Variants in FIGN observed in about 807,000 individuals in gnomAD.
FIGN encodes the protein fidgetin, microtubule severing factor.
Under a neutral mutation model 51.3 loss-of-function variants are expected in FIGN, and 11 were observed. That is an observed-to-expected ratio of 0.21 (90% CI 0.13 to 0.35). The LOEUF (loss-of-function observed/expected upper bound fraction) is 0.35. FIGN is among the 10% of genes least tolerant of loss of function. FIGN has a pLI of 1.00. For missense variants in FIGN, 857 were observed against 943.6 expected (o/e 0.91, Z 1.20); for synonymous variants, 407 against 363.2 (o/e 1.12, Z -1.37).
At chr2:163,663,236 GTT>G (rs761711729) in intron 2 of FIGN, among the ~76,000 whole-genome samples, 56 of 145,028 alleles carry the variant, frequency 3.9e-4, no homozygotes, top group Non-Finnish European at 6.9e-4. Flanking sequence ...AATAATGTTG[GTT>G]TTTTTTTTTT....
At chr2:163,622,367 A>T (rs2105306169) in intron 2 of FIGN, among the ~76,000 whole-genome samples, 1 of 152,030 alleles carries the variant, frequency 6.6e-6, no homozygotes, top group South Asian at 2.1e-4. Flanking sequence ...TGCTCCCAAT[A>T]TTGTTTTTGG....
intron 2 of FIGN, among the ~76,000 whole-genome samples, chr2:163,675,305 ATG>A (rs1048171511): frequency 1.3e-5 from 2 of 152,240 alleles, no homozygotes; most frequent in African/African-American, 4.8e-5. Flanking sequence ...CACACAGATC[ATG>A]TCTGTAACAA....
At chr2:163,686,031 C>T (rs1052561066) in intron 2 of FIGN, among the ~76,000 whole-genome samples, 8 of 152,320 alleles carry the variant, frequency 5.3e-5, no homozygotes, top group Middle Eastern at 3.4e-3. Flanking sequence ...TCGTCAATTT[C>T]GCAGTAAGCC....
chr2:163,666,345 G>C (rs777593921), intron 2 of FIGN, among the ~76,000 whole-genome samples: 21 of 152,226 alleles, frequency 1.4e-4, no homozygotes, highest in Admixed American at 9.8e-4. Flanking sequence ...ATTATACATT[G>C]ACAGGGCAAA....
Position 163,693,267 on chromosome 2 carries a change from G to T in FIGN, c.25+41636C>A, listed in dbSNP as rs969655468. On this transcript the variant is annotated intron_variant, in intron 2 of 2. Coordinates refer to ENST00000333129, the MANE Select transcript of FIGN (RefSeq NM_018086.4). ...ACCTGTGGTGTGTGTGTGTATCTGT[G>T]TGTGTGTATTCAGTGGAGTAAGGGA... Among the ~76,000 whole-genome samples the T allele has an allele frequency of 1.2e-4, 18 of 152,268 alleles. 1 individual carries two copies. Among genetic ancestry groups the T allele is most frequent in the Admixed American group, 7.2e-4 (11 of 15,290 alleles).
chr2:163,611,910 A>C, intron 2 of FIGN, 104 bp from the exon 3 acceptor site: 1 of 686,860 alleles, frequency 1.5e-6, no homozygotes, highest in East Asian at 3.0e-5. Flanking sequence ...TCCATTAATG[A>C]TATGCATACT....
At chr2:163,699,010 T>A (rs1684366820) in intron 2 of FIGN, among the ~76,000 whole-genome samples, 1 of 152,142 alleles carries the variant, frequency 6.6e-6, no homozygotes, top group Non-Finnish European at 1.5e-5. Flanking sequence ...AGAGTTTCAC[T>A]GGCACCCTGG....
intron 2 of FIGN, among the ~76,000 whole-genome samples, chr2:163,723,014 G>A (rs1684783121): frequency 1.3e-5 from 2 of 151,700 alleles, no homozygotes; most frequent in South Asian, 4.2e-4. Context: ...GTGAAACCCT[G>A]TCTCTCCTAA....
At chr2:163,648,975 A>G (rs2105320534) in intron 2 of FIGN, among the ~76,000 whole-genome samples, 1 of 152,258 alleles carries the variant, frequency 6.6e-6, no homozygotes, top group South Asian at 2.1e-4. Flanking sequence ...TAATTTTTTA[A>G]AACAAATCCT....
chr2:163,622,686 A>T (rs1558999361), intron 2 of FIGN, among the ~76,000 whole-genome samples: 1 of 152,000 alleles, frequency 6.6e-6, no homozygotes, highest in Non-Finnish European at 1.5e-5. Context: ...TTCAGCCTGC[A>T]GAGTAGCTGG....
At chr2:163,734,515 C>T (rs981835083) in intron 2 of FIGN, among the ~76,000 whole-genome samples, 4 of 138,688 alleles carry the variant, frequency 2.9e-5, no homozygotes, top group African/African-American at 5.3e-5. Flanking sequence ...GTAATCTTTC[C>T]CAACACTCCT....
At chr2:163,729,993 C>T (rs1245713855) in intron 2 of FIGN, among the ~76,000 whole-genome samples, 2 of 152,122 alleles carry the variant, frequency 1.3e-5, no homozygotes, top group Non-Finnish European at 2.9e-5. Flanking sequence ...GGTTTCTGAT[C>T]ACCTATCTTT....
intron 2 of FIGN, among the ~76,000 whole-genome samples, chr2:163,637,704 C>CCTTT (rs1240300745): frequency 6.6e-6 from 1 of 151,588 alleles, no homozygotes; most frequent in Non-Finnish European, 1.5e-5. Flanking sequence ...GAAGCACAAT[C>CCTTT]CTTTCTTGCA....
intron 2 of FIGN, among the ~76,000 whole-genome samples, chr2:163,673,786 A>T (rs1019104040): frequency 2.0e-5 from 3 of 152,144 alleles, no homozygotes; most frequent in African/African-American, 7.2e-5. Context: ...CAGTGTCTGG[A>T]GTCAGACAGA....
chr2:163,635,742 T>C (rs1214894691), intron 2 of FIGN, among the ~76,000 whole-genome samples: 2 of 152,084 alleles, frequency 1.3e-5, no homozygotes, highest in Non-Finnish European at 2.9e-5. Context: ...TATCTAATGG[T>C]TAGAGGGCAC....
chr2:163,657,362 T>C (rs1418280163), intron 2 of FIGN, among the ~76,000 whole-genome samples: 4 of 152,166 alleles, frequency 2.6e-5, no homozygotes, highest in Admixed American at 6.6e-5. Context: ...TAATGGTACA[T>C]GACTAGCCTG....
chr2:163,645,417 T>G (rs1395738565), intron 2 of FIGN, among the ~76,000 whole-genome samples: 1 of 152,164 alleles, frequency 6.6e-6, no homozygotes, highest in Admixed American at 6.5e-5. Flanking sequence ...GATAATAATA[T>G]AAGAATACTT....
At chr2:163,617,986 G>T (rs1294662087) in intron 2 of FIGN, among the ~76,000 whole-genome samples, 4 of 152,100 alleles carry the variant, frequency 2.6e-5, no homozygotes, top group African/African-American at 9.7e-5. Context: ...ATCACTCCCA[G>T]AATTTATAAG....
intron 2 of FIGN, among the ~76,000 whole-genome samples, chr2:163,658,430 G>C (rs1683598720): frequency 7.0e-6 from 1 of 142,336 alleles, no homozygotes; most frequent in African/African-American, 2.7e-5. Context: ...TGTTTGTGTT[G>C]GTATAAAGGA....
Sources: gnomAD v4.1 joint callset for allele counts (sites outside exome capture counted in the v4.1 genomes callset) on GRCh38, gnomAD v4.1.1 for gene constraint, MANE v1.5 for transcripts, NCBI Gene and HGNC (gene_info 2026-07-23, HGNC 2026-07-21) for gene names.